Variants in NOTCH2 observed in about 807,000 individuals in gnomAD.
NOTCH2 encodes the protein neurogenic locus notch homolog protein 2.
NOTCH2 carries 29 observed loss-of-function variants against 235.8 expected under a neutral mutation model. The ratio of observed to expected loss-of-function variants is 0.12; its 90% CI spans 0.09 to 0.17. The LOEUF is 0.17. NOTCH2 is among the 10% of genes least tolerant of loss of function. The pLI is 1.00. For missense variants in NOTCH2, 2,285 were observed against 3,150.2 expected (o/e 0.73, Z 6.57); for synonymous variants, 1,086 against 1,141.5 (o/e 0.95, Z 0.98).
At position 119,920,404 on chromosome 1, in the gene NOTCH2, G is replaced by C. The variant is rs1012088161; in HGVS notation, c.5311-7C>G. On this transcript the variant is annotated splice_region_variant and splice_polypyrimidine_tract_variant and intron_variant, in intron 29 of 33. Transcript: ENST00000256646. ...GTAAGGCCTCATCTTCAGCCTGAAA[G>C]GTGAAAACAATGCTCCCTATCAATC... 11 of 1,613,980 alleles carry C rather than the reference G, an allele frequency of 6.8e-6. No homozygotes were observed. The African/African-American group carries it at 1.3e-4, about 20-fold the overall frequency.
intron 30 of NOTCH2, among the ~76,000 whole-genome samples, chr1:119,919,894 A>G (rs1049709771): frequency 1.3e-5 from 2 of 152,228 alleles, no homozygotes; most frequent in African/African-American, 4.8e-5. Flanking sequence ...TGGACATTTA[A>G]AAATATCTAA....
In NOTCH2 at chr1:119,970,172, C is replaced by A. The variant is rs967563751; in HGVS notation, c.875-428G>T. Among the ~76,000 whole-genome samples, 4 of 152,094 alleles carry A rather than the reference C, an allele frequency of 2.6e-5. No individual in the cohort carries two copies. In the South Asian group the frequency reaches 8.3e-4, roughly 32 times the overall value. On this transcript the variant is annotated intron_variant, in intron 5 of 33. Transcript: ENST00000256646. ...CTGTTCTATATCTTGACTGTATCAA[C>A]GTCAATACACTGGTTGTAATATTAT...
intron 26 of NOTCH2, among the ~76,000 whole-genome samples, chr1:119,923,345 G>A (rs587774191): frequency 6.6e-6 from 1 of 152,312 alleles, no homozygotes; most frequent in African/African-American, 2.4e-5. Flanking sequence ...AAAAAGGAAT[G>A]TCACTAATAA....
intron 5 of NOTCH2, among the ~76,000 whole-genome samples, chr1:119,971,367 G>A (rs1651355543): frequency 6.6e-6 from 1 of 152,190 alleles, no homozygotes; most frequent in Admixed American, 6.5e-5. Context: ...GTCTTTACAT[G>A]ATCAAACCCT....
At position 119,914,233 on chromosome 1, in the gene NOTCH2, T is replaced by C. The variant is rs1648987989; in HGVS notation, c.*1073A>G. The stretch of plus-strand genomic sequence containing the variant: ...GTGAAACAGGCCTAGAATGCTCAGA[T>C]CTGGGACAAATGTGTTCCATACAGG... On this transcript the variant is annotated 3_prime_UTR_variant, in exon 34 of 34. Transcript: ENST00000256646. 1 of 233,160 alleles carries C rather than the reference T, an allele frequency of 4.3e-6. No individual in the cohort carries two copies. Among genetic ancestry groups the C allele is most frequent in the East Asian group, 6.0e-5 (1 of 16,590 alleles). 14.4% of individuals were successfully genotyped at this position (233,160 alleles called of 1,614,324 possible).
intron 11 of NOTCH2, among the ~76,000 whole-genome samples, chr1:119,959,868 G>A (rs1300950615): frequency 2.6e-5 from 4 of 152,140 alleles, no homozygotes; most frequent in East Asian, 1.9e-4. Flanking sequence ...AAGCAAAAAC[G>A]CCAGTTTCAC....
intron 22 of NOTCH2, among the ~76,000 whole-genome samples, chr1:119,931,670 A>ATC (rs1185455840): frequency 6.6e-5 from 10 of 152,094 alleles, no homozygotes; most frequent in African/African-American, 2.4e-4. Context: ...CATTATATAT[A>ATC]TAAAAAACAA....
intron 22 of NOTCH2, among the ~76,000 whole-genome samples, chr1:119,933,038 A>G (rs979625881): frequency 2.7e-4 from 41 of 152,236 alleles, no homozygotes; most frequent in Admixed American, 2.2e-3. Context: ...AAGTAAAAAC[A>G]AACAAAATCT....
intron 1 of NOTCH2, among the ~76,000 whole-genome samples, chr1:120,038,019 G>A (rs1290112840): frequency 9.2e-5 from 14 of 151,906 alleles, no homozygotes; most frequent in Admixed American, 9.2e-4. Flanking sequence ...TTCCAATTTT[G>A]TTCTATTTTA....
intron 25 of NOTCH2, 22 bp from the exon 26 acceptor site, chr1:119,924,006 A>G (rs765925026): frequency 1.3e-6 from 2 of 1,591,760 alleles, no homozygotes; most frequent in Non-Finnish European, 8.6e-7. Context: ...GAAGCAGAGA[A>G]CAGGCAAAAG....
chr1:119,916,298 A>G lies in NOTCH2; in HGVS notation c.6424T>C (p.Ser2142Pro), dbSNP rs2101144199. The G allele has an allele frequency of 3.1e-6, 5 of 1,614,180 alleles. No individual in the cohort carries two copies. The highest frequency in any genetic ancestry group is 4.2e-6 in the Non-Finnish European group (5 of 1,180,020). ...KKSLSEKVQLSESSVTLSPVD... is the reference protein window; with the variant it reads ...KKSLSEKVQLPESSVTLSPVD... ...GGGGATAAAGTTACTGAACTCTCAG[A>G]CAGTTGGACCTTCTCACTCAGAGAC... The change falls in exon 34 of 34, where the codon TCT (serine) becomes CCT (proline). Residue 2142 changes from serine to proline, a missense_variant. Physicochemically the swap from Ser to Pro is moderately conservative, Grantham distance 74. Coordinates refer to ENST00000256646, the MANE Select transcript of NOTCH2 (RefSeq NM_024408.4).
intron 5 of NOTCH2, among the ~76,000 whole-genome samples, chr1:119,986,436 G>T (rs151149249): frequency 6.6e-6 from 1 of 152,160 alleles, no homozygotes; most frequent in East Asian, 1.9e-4. Flanking sequence ...AGGGATAGAA[G>T]AAAAAAACAA....
chr1:120,006,826 G>T (rs587629617), intron 2 of NOTCH2, among the ~76,000 whole-genome samples: 2 of 152,302 alleles, frequency 1.3e-5, no homozygotes, highest in African/African-American at 4.8e-5. Flanking sequence ...AAACACTGGG[G>T]TCATGAGTGC....
chr1:119,981,052 A>G (rs1285839815), intron 5 of NOTCH2, among the ~76,000 whole-genome samples: 1 of 152,050 alleles, frequency 6.6e-6, no homozygotes, highest in African/African-American at 2.4e-5. Context: ...GACACATTCC[A>G]TGGTAACCCT....
At chr1:119,975,786 T>C (rs1048340904) in intron 5 of NOTCH2, among the ~76,000 whole-genome samples, 3 of 152,006 alleles carry the variant, frequency 2.0e-5, no homozygotes, top group Admixed American at 6.5e-5. Flanking sequence ...CCAAAGACCA[T>C]GAAACAGTCA....
At chr1:119,950,382 C>T in intron 15 of NOTCH2, 1 of 429,178 alleles carries the variant, frequency 2.3e-6, no homozygotes, top group Admixed American at 2.8e-5. Context: ...TAAGTGGTAG[C>T]TGTATTATTG....
At chr1:119,960,714 C>A (rs1553198897) in intron 11 of NOTCH2, among the ~76,000 whole-genome samples, 1 of 151,956 alleles carries the variant, frequency 6.6e-6, no homozygotes, top group East Asian at 1.9e-4. Context: ...TGATCTGTCA[C>A]CCAGACTGGA....
At chr1:120,002,012 A>G (rs1553205466) in intron 3 of NOTCH2, among the ~76,000 whole-genome samples, 1 of 152,176 alleles carries the variant, frequency 6.6e-6, no homozygotes, top group African/African-American at 2.4e-5. Flanking sequence ...AGCGTCCAAT[A>G]TGTGGTACTG....
intron 22 of NOTCH2, among the ~76,000 whole-genome samples, chr1:119,930,108 TACA>T (rs1553194928): frequency 1.3e-5 from 2 of 152,218 alleles, no homozygotes; most frequent in African/African-American, 4.8e-5. Context: ...ATGATGATTG[TACA>T]ACAATGAAAT....
Sources: gnomAD v4.1 joint callset for allele counts (sites outside exome capture counted in the v4.1 genomes callset) on GRCh38, gnomAD v4.1.1 for gene constraint, MANE v1.5 for transcripts, NCBI Gene and HGNC (gene_info 2026-07-23, HGNC 2026-07-21) for gene names.